Variants in ABCA13 observed in about 807,000 individuals in gnomAD.
ABCA13 encodes ATP-binding cassette sub-family A member 13.
ABCA13 carries 476 observed loss-of-function variants against 478.7 expected under a neutral mutation model. That is an observed-to-expected ratio of 0.99 (90% CI 0.92 to 1.07). The LOEUF (loss-of-function observed/expected upper bound fraction) is 1.07. Among genes scored for constraint, ABCA13 ranks in the 50% least tolerant of loss-of-function variants. The pLI is 0.00. For missense variants in ABCA13, 6,060 were observed against 5,910.6 expected, an observed-to-expected ratio of 1.03 and a Z score of -0.83; for synonymous variants, 2,252 against 2,158.9, an observed-to-expected ratio of 1.04 and a Z score of -1.20.
intron 56 of ABCA13, among the ~76,000 whole-genome samples, chr7:48,581,461 A>C (rs1168363708): frequency 6.6e-6 from 1 of 152,156 alleles, no homozygotes; most frequent in Non-Finnish European, 1.5e-5. Context: ...GTAGTTAAAC[A>C]GTTATTGGCA....
chr7:48,525,840 C>T (rs1277372477), intron 54 of ABCA13, among the ~76,000 whole-genome samples: 1 of 151,964 alleles, frequency 6.6e-6, no homozygotes, highest in Non-Finnish European at 1.5e-5. Flanking sequence ...CAACCCATCA[C>T]CTAGGTATTA....
chr7:48,360,881 G>A (rs1433520), intron 31 of ABCA13, among the ~76,000 whole-genome samples: 5,749 of 151,908 alleles, frequency 0.038, 171 homozygotes, highest in East Asian at 0.15. Context: ...TGTTATGACC[G>A]TATTAAGATG....
chr7:48,352,232 T>C lies in ABCA13; in HGVS notation c.10433T>C (p.Val3478Ala). Residue 3478 changes from valine (V) to alanine (A), a missense_variant, in exon 31 of 62, where the codon GTC becomes GCC. By Grantham distance (64) the Val-to-Ala change is moderately conservative. Transcript: ENST00000435803. ...LFDKNFRSES[V>A]KLPPHVSYTI... ...GACAAGAACTTCAGATCAGAGTCTG[T>C]CAAACTGCCACCCCATGTCTCATAC... 1 of 1,612,252 alleles carries C rather than the reference T, an allele frequency of 6.2e-7. No individual in the cohort carries two copies. The highest frequency in any genetic ancestry group is 1.1e-5 in the South Asian group (1 of 91,000).
At chr7:48,237,978 G>A (rs1483371971) in intron 8 of ABCA13, among the ~76,000 whole-genome samples, 1 of 152,228 alleles carries the variant, frequency 6.6e-6, no homozygotes, top group Non-Finnish European at 1.5e-5. Flanking sequence ...CAGGGACCCT[G>A]TGCTTTGACA....
intron 41 of ABCA13, among the ~76,000 whole-genome samples, chr7:48,422,883 T>C (rs1374179824): frequency 1.3e-5 from 2 of 152,144 alleles, no homozygotes; most frequent in South Asian, 2.1e-4. Flanking sequence ...GTTGGAGAGA[T>C]GAGCTTTAAA....
intron 41 of ABCA13, 37 bp from the exon 42 acceptor site, chr7:48,427,729 C>T (rs200687245): frequency 1.4e-6 from 2 of 1,405,964 alleles, no homozygotes; most frequent in Non-Finnish European, 1.0e-6. Context: ...TGTATAGAAA[C>T]ATAAAATAAT....
chr7:48,626,961 A>G, intron 59 of ABCA13: 1 of 985,428 alleles, frequency 1.0e-6, no homozygotes, highest in Non-Finnish European at 1.2e-6. Flanking sequence ...CGTATGGTTG[A>G]GACGGAGGAA....
chr7:48,514,430 G>A (rs1355046719), intron 51 of ABCA13, among the ~76,000 whole-genome samples: 4 of 152,190 alleles, frequency 2.6e-5, no homozygotes, highest in African/African-American at 9.6e-5. Flanking sequence ...ACATGGAAAA[G>A]AAAAGCAATT....
intron 53 of ABCA13, among the ~76,000 whole-genome samples, chr7:48,521,221 G>A (rs565656115): frequency 6.6e-6 from 1 of 152,200 alleles, no homozygotes; most frequent in East Asian, 1.9e-4. Flanking sequence ...ATACCCAAGT[G>A]GCCTGAATTC....
At chr7:48,240,039 TC>T in intron 9 of ABCA13, among the ~76,000 whole-genome samples, 1 of 152,338 alleles carries the variant, frequency 6.6e-6, no homozygotes, top group Admixed American at 6.5e-5. Flanking sequence ...GGCAGTCACT[TC>T]CCATTTGTTT....
Position 48,309,952 on chromosome 7 carries a change from C to T in ABCA13, c.9327C>T (p.Leu3109=). The part of the protein sequence containing the change: ...LEANISHSKV[L]FSALTVALSG... ...ATCTCTGTGCTTTGAAACAGGTTCT[C>T]TTCAGTGCCCTCACCGTAGCTCTGT... Residue 3109 remains leucine, a synonymous_variant, in exon 24 of 62, where the codon CTC becomes CTT. Coordinates refer to ENST00000435803, the MANE Select transcript of ABCA13 (RefSeq NM_152701.5). The T allele has an allele frequency of 1.2e-6, 2 of 1,613,844 alleles. No homozygotes were observed. Among genetic ancestry groups the T allele is most frequent in the Non-Finnish European group, 1.7e-6 (2 of 1,179,784 alleles).
intron 3 of ABCA13, among the ~76,000 whole-genome samples, chr7:48,201,347 C>T (rs1798678732): frequency 1.3e-5 from 2 of 152,184 alleles, no homozygotes; most frequent in Admixed American, 1.3e-4. Context: ...CCTGAGCAAC[C>T]TGTGGAATGC....
intron 6 of ABCA13, among the ~76,000 whole-genome samples, chr7:48,228,570 G>A (rs1484465072): frequency 1.3e-5 from 2 of 152,150 alleles, no homozygotes; most frequent in African/African-American, 4.8e-5. Context: ...AGACCAAGCT[G>A]AGGGTGGGGA....
intron 48 of ABCA13, among the ~76,000 whole-genome samples, chr7:48,497,411 T>A (rs1830369803): frequency 6.6e-6 from 1 of 152,240 alleles, no homozygotes; most frequent in Non-Finnish European, 1.5e-5. Context: ...TCAGTTCATT[T>A]TGACATTACC....
chr7:48,427,732 A>G (rs751114961), intron 41 of ABCA13, 34 bp from the exon 42 acceptor site: 1 of 1,445,346 alleles, frequency 6.9e-7, no homozygotes, highest in South Asian at 1.2e-5. Flanking sequence ...ATAGAAACAT[A>G]AAATAATACA....
intron 15 of ABCA13, among the ~76,000 whole-genome samples, chr7:48,252,729 C>T (rs1486774229): frequency 6.6e-6 from 1 of 151,942 alleles, no homozygotes; most frequent in East Asian, 1.9e-4. Context: ...ACTGTGTTTT[C>T]TTTGAGTTCA....
At chr7:48,409,096 A>T (rs552139634) in intron 39 of ABCA13, among the ~76,000 whole-genome samples, 1 of 152,342 alleles carries the variant, frequency 6.6e-6, no homozygotes, top group Admixed American at 6.5e-5. Context: ...AACCTCAAAC[A>T]TTTACTTGAG....
chr7:48,420,415 G>A (rs1350411196), intron 41 of ABCA13, among the ~76,000 whole-genome samples: 3 of 152,152 alleles, frequency 2.0e-5, no homozygotes, highest in African/African-American at 7.2e-5. Flanking sequence ...AGAAGACTTG[G>A]CTTTGCATAT....
chr7:48,275,081 A>T lies in ABCA13; in HGVS notation c.5415A>T (p.Val1805=). 1 of 1,613,348 alleles carries T rather than the reference A, an allele frequency of 6.2e-7. No homozygotes were observed. The highest frequency in any genetic ancestry group is 8.5e-7 in the Non-Finnish European group (1 of 1,179,546). ...IKILLDTIEL[V]SDKPDIISEA... ...TTCTTTTGGATACAATTGAATTAGTATCAGATAAGCCAGATATTATTTCAG... is the reference window on the plus strand; with the variant it reads ...TTCTTTTGGATACAATTGAATTAGTTTCAGATAAGCCAGATATTATTTCAG... The change falls in exon 17 of 62, where the codon GTA becomes GTT. Residue 1805 remains valine, a synonymous_variant. Coordinates refer to ENST00000435803, the MANE Select transcript of ABCA13 (RefSeq NM_152701.5).
Sources: allele counts gnomAD v4.1 joint callset (sites outside exome capture counted in the v4.1 genomes callset), GRCh38; gene constraint gnomAD v4.1.1; transcripts MANE v1.5; gene names NCBI Gene and HGNC (gene_info 2026-07-23, HGNC 2026-07-21).